SDC2: variants seen among roughly 807,000 people sequenced by gnomAD.
The protein encoded by SDC2 is syndecan-2.
Under a neutral mutation model 22.2 loss-of-function variants are expected in SDC2, and 13 were observed. That is an observed-to-expected ratio of 0.59 (90% CI 0.38 to 0.93). SDC2 has a LOEUF of 0.93. SDC2 is among the 40% of genes least tolerant of loss of function. The pLI, the probability that SDC2 is intolerant of heterozygous loss-of-function variation, is 0.00. For missense variants in SDC2, 235 were observed against 246.8 expected (o/e 0.95, Z 0.32); for synonymous variants, 94 against 92.8 (o/e 1.01, Z -0.07).
intron 1 of SDC2, among the ~76,000 whole-genome samples, chr8:96,591,738 G>A (rs1814784828): frequency 6.6e-6 from 1 of 152,068 alleles, no homozygotes; most frequent in South Asian, 2.1e-4. Context: ...TCCTCCAGGG[G>A]AAGTAAATGG....
chr8:96,573,383 G>T (rs1814433466), intron 1 of SDC2, among the ~76,000 whole-genome samples: 1 of 4,566 alleles, frequency 2.2e-4, no homozygotes. Flanking sequence ...CACTTCATGT[G>T]TGGGTGATGA....
At chr8:96,608,181 C>T (rs2254876) in intron 3 of SDC2, among the ~76,000 whole-genome samples, 154 bp from the exon 4 acceptor site, 5,788 of 152,280 alleles carry the variant, frequency 0.038, 328 homozygotes, top group African/African-American at 0.12. Context: ...GACACTCACC[C>T]ATTGCTATAA....
At chr8:96,509,802 A>C (rs868566731) in intron 1 of SDC2, among the ~76,000 whole-genome samples, 13 of 152,260 alleles carry the variant, frequency 8.5e-5, no homozygotes, top group South Asian at 2.1e-4. Flanking sequence ...AGCCCCATGT[A>C]ATGAGGTGGC....
rs371441397 is a variant in SDC2, at chr8:96,509,742, A to T, written c.60+15411A>T. 5.3e-5 allele frequency among the ~76,000 whole-genome samples: 8 copies of T among 152,266 alleles called. No individual in the cohort carries two copies. The East Asian group carries it at 7.7e-4, about 15-fold the overall frequency. ...TAGTCTCCAGTTTAGAGAGCAGCCT[A>T]GCAGGTAAGATTTTGTATTCTTAAC... On this transcript the variant is annotated intron_variant, in intron 1 of 4. Transcript: ENST00000302190.
At chr8:96,546,568 A>T (rs548100029) in intron 1 of SDC2, among the ~76,000 whole-genome samples, 1 of 152,182 alleles carries the variant, frequency 6.6e-6, no homozygotes, top group Non-Finnish European at 1.5e-5. Context: ...TGGGTGTGCC[A>T]TTATTAATAA....
At position 96,527,616 on chromosome 8, in the gene SDC2, C is replaced by G. The variant is rs148674180; in HGVS notation, c.60+33285C>G. ...AGGCTGTTCAAGGGGGTCTCATAAC[C>G]TACCAGTCCGAGTTAGACTTGTTGA... On this transcript the variant is annotated intron_variant, in intron 1 of 4. Transcript: ENST00000302190. Among the ~76,000 whole-genome samples the G allele has an allele frequency of 4.3e-3, 653 of 152,292 alleles. 6 individuals are homozygous for G. Among genetic ancestry groups the G allele is most frequent in the African/African-American group, 0.015 (624 of 41,566 alleles).
chr8:96,606,722 A>C (rs1366035544), intron 3 of SDC2, among the ~76,000 whole-genome samples: 2 of 152,188 alleles, frequency 1.3e-5, no homozygotes, highest in Non-Finnish European at 2.9e-5. Flanking sequence ...GGTGATTCAC[A>C]TAAGATGGCC....
At chr8:96,524,040 C>T (rs1563648131) in intron 1 of SDC2, among the ~76,000 whole-genome samples, 2 of 152,086 alleles carry the variant, frequency 1.3e-5, no homozygotes, top group East Asian at 3.9e-4. Flanking sequence ...CATCAAAGGG[C>T]AAGGAATGTT....
intron 1 of SDC2, among the ~76,000 whole-genome samples, chr8:96,593,145 A>G (rs1814813228): frequency 6.6e-6 from 1 of 152,250 alleles, no homozygotes; most frequent in Non-Finnish European, 1.5e-5. Context: ...AATGCCCAAG[A>G]TGGCTTATAA....
intron 1 of SDC2, among the ~76,000 whole-genome samples, chr8:96,588,182 C>G (rs1814718578): frequency 6.6e-6 from 1 of 152,198 alleles, no homozygotes; most frequent in Non-Finnish European, 1.5e-5. Flanking sequence ...TGGCCACCAG[C>G]TAGACCAGAG....
intron 3 of SDC2, among the ~76,000 whole-genome samples, chr8:96,607,541 G>C (rs1236991453): frequency 6.6e-6 from 1 of 152,202 alleles, no homozygotes; most frequent in African/African-American, 2.4e-5. Flanking sequence ...TTACTACTTA[G>C]ACTTGACGAG....
intron 1 of SDC2, among the ~76,000 whole-genome samples, chr8:96,498,615 C>G (rs1183657994): frequency 1.3e-5 from 2 of 152,038 alleles, no homozygotes; most frequent in Non-Finnish European, 2.9e-5. Context: ...CTCAGCCTCC[C>G]GAGTAGCTGG....
chr8:96,579,451 A>G (rs1814556091), intron 1 of SDC2, among the ~76,000 whole-genome samples: 2 of 152,268 alleles, frequency 1.3e-5, no homozygotes, highest in South Asian at 2.1e-4. Flanking sequence ...ACAGAATAAT[A>G]TATCTACCAT....
At chr8:96,602,953 T>C (rs1228336539) in intron 3 of SDC2, among the ~76,000 whole-genome samples, 1 of 152,184 alleles carries the variant, frequency 6.6e-6, no homozygotes, top group Non-Finnish European at 1.5e-5. Context: ...CACTAAGTCA[T>C]TTCTCAGTCT....
In SDC2 at chr8:96,508,711, G is replaced by A. The variant is rs1051356968; in HGVS notation, c.60+14380G>A. On this transcript the variant is annotated intron_variant, in intron 1 of 4. Transcript: ENST00000302190. ...TATAACTGTCTCACAACTGCTAGGC[G>A]GTATTACTTGCCAAGGCTGCATTTT... Among the ~76,000 whole-genome samples the A allele has an allele frequency of 4.9e-5, 7 of 141,554 alleles. 1 individual carries two copies. Among genetic ancestry groups the A allele is most frequent in the Non-Finnish European group, 9.6e-5 (6 of 62,220 alleles). 92.9% of individuals were successfully genotyped at this position (141,554 alleles called of 152,430 possible). A position where few individuals can be genotyped will look rare whatever the true frequency, so the allele number is the denominator to read the frequency against.
intron 1 of SDC2, among the ~76,000 whole-genome samples, chr8:96,580,147 C>T (rs1395333721): frequency 6.6e-6 from 1 of 152,200 alleles, no homozygotes; most frequent in Non-Finnish European, 1.5e-5. Context: ...GGATTGTGGT[C>T]ATCACCGGTG....
At chr8:96,556,055 C>CAT (rs1554603171) in intron 1 of SDC2, among the ~76,000 whole-genome samples, 1 of 139,776 alleles carries the variant, frequency 7.2e-6, no homozygotes, top group East Asian at 2.1e-4. Context: ...CACACACACA[C>CAT]ATACACACAC....
chr8:96,525,982 AC>A (rs1377505446), intron 1 of SDC2, among the ~76,000 whole-genome samples: 1 of 152,138 alleles, frequency 6.6e-6, no homozygotes, highest in Non-Finnish European at 1.5e-5. Context: ...TCAAAAATGA[AC>A]AAAGTCAGTC....
chr8:96,600,762 A>C (rs1299240940), intron 2 of SDC2, among the ~76,000 whole-genome samples: 1 of 152,214 alleles, frequency 6.6e-6, no homozygotes, highest in Non-Finnish European at 1.5e-5. Context: ...CAGGAGGAGA[A>C]GACAAAGGGA....
Sources: allele counts gnomAD v4.1 joint callset (sites outside exome capture counted in the v4.1 genomes callset), GRCh38; gene constraint gnomAD v4.1.1; transcripts MANE v1.5; gene names NCBI Gene and HGNC (gene_info 2026-07-23, HGNC 2026-07-21).